RPS10: variants seen among roughly 807,000 people sequenced by gnomAD.
RPS10 encodes the protein ribosomal protein S10.
In RPS10, 2 loss-of-function variants were observed where a neutral mutation model predicts 22.6. The ratio of observed to expected loss-of-function variants is 0.09; its 90% CI spans 0.04 to 0.28. The LOEUF is 0.28. RPS10 is among the 10% of genes least tolerant of loss of function. The probability of loss-of-function intolerance (pLI) is 1.00; values close to 1 mark genes in which losing one functional copy is unlikely to be tolerated. For synonymous variants in RPS10, 70 were observed against 75.9 expected, an observed-to-expected ratio of 0.92 and a Z score of 0.40; for missense variants, 137 against 222.2, an observed-to-expected ratio of 0.62 and a Z score of 2.44.
intron 5 of RPS10, chr6:34,417,882 C>T: frequency 1.4e-6 from 1 of 718,036 alleles, no homozygotes. Context: ...TGAGAGCAAT[C>T]GTGTGCTATG....
At chr6:34,423,178 T>C (rs1765826449) in intron 3 of RPS10, among the ~76,000 whole-genome samples, 2 of 143,586 alleles carry the variant, frequency 1.4e-5, no homozygotes, top group South Asian at 2.2e-4. Context: ...CTATGTCTCC[T>C]TTTTTTTTTT....
intron 4 of RPS10, among the ~76,000 whole-genome samples, chr6:34,421,495 G>A (rs538443597): frequency 8.6e-5 from 13 of 152,046 alleles, no homozygotes; most frequent in African/African-American, 3.1e-4. Flanking sequence ...AGCCCGGCCT[G>A]AGTTTTGTTT....
intron 3 of RPS10, among the ~76,000 whole-genome samples, chr6:34,422,376 G>A (rs142511613): frequency 0.016 from 2,368 of 152,234 alleles, 53 homozygotes; most frequent in African/African-American, 0.052. Flanking sequence ...GTGCAGTGGC[G>A]CGATCTTGGC....
intron 3 of RPS10, among the ~76,000 whole-genome samples, chr6:34,422,176 A>G (rs908223695): frequency 6.6e-6 from 1 of 152,220 alleles, no homozygotes; most frequent in African/African-American, 2.4e-5. Context: ...GCAAACAGAA[A>G]AGGAAGCATC....
In RPS10 at chr6:34,424,448, A is replaced by C. The variant is rs1226997137; in HGVS notation, c.322+221T>G. On this transcript the variant is annotated intron_variant, in intron 3 of 5. Coordinates refer to ENST00000648437, the MANE Select transcript of RPS10 (RefSeq NM_001014.5). ...ATGTTTGTACAGGTGTGGGTGAAGAAAGTGACAGACTATCTGTGCTTAAGG... is the reference window on the plus strand; with the variant it reads ...ATGTTTGTACAGGTGTGGGTGAAGACAGTGACAGACTATCTGTGCTTAAGG... 5.2e-6 allele frequency: 3 copies of C among 574,112 alleles called. No homozygotes were observed. In the African/African-American group the frequency reaches 5.6e-5, roughly 11 times the overall value. The allele number at this position is 574,112 out of a possible 1,614,324, so 35.6% of individuals were successfully genotyped here. A position where few individuals can be genotyped will look rare whatever the true frequency, so the allele number is the denominator to read the frequency against.
In RPS10 at chr6:34,422,735, A is replaced by C. The variant is rs558976746; in HGVS notation, c.323-928T>G. Among the ~76,000 whole-genome samples, 4 of 151,458 alleles carry C rather than the reference A, an allele frequency of 2.6e-5. No individual in the cohort carries two copies. In the East Asian group the frequency reaches 8.0e-4, roughly 30 times the overall value. Reference sequence around the variant, plus strand: ...TGGCCTCCCAAAGTGCTGGGATTACAGGTGTGAGCCACCACACCCTAAGGC... The same window carrying C: ...TGGCCTCCCAAAGTGCTGGGATTACCGGTGTGAGCCACCACACCCTAAGGC... On this transcript the variant is annotated intron_variant, in intron 3 of 5. Transcript: ENST00000648437.
chr6:34,422,142 C>T (rs1390263302), intron 3 of RPS10, among the ~76,000 whole-genome samples: 2 of 152,044 alleles, frequency 1.3e-5, no homozygotes, highest in South Asian at 2.1e-4. Flanking sequence ...ACCTGACCCA[C>T]GTTAAGTGGA....
At chr6:34,420,564 G>A (rs1437335309) in intron 4 of RPS10, among the ~76,000 whole-genome samples, 2 of 152,122 alleles carry the variant, frequency 1.3e-5, no homozygotes, top group Non-Finnish European at 2.9e-5. Context: ...TGAACCAAGG[G>A]CTGGAGAAAT....
At position 34,418,417 on chromosome 6, in the gene RPS10, G is replaced by A. The variant is rs147566753; in HGVS notation, c.408C>T (p.Ala136=). ...CAGCCCCAGCCTCGGCTTTCTTGTC[G>A]GCACCAGCTAGAAAGTGAAACATCG... is the stretch of plus-strand genomic sequence containing the variant. The part of the protein sequence containing the change: ...TYRRSAVPPG[A]DKKAEAGAGS... The change falls in exon 5 of 6, where the codon GCC becomes GCT. Residue 136 remains alanine, a synonymous_variant. Coordinates refer to ENST00000648437, the MANE Select transcript of RPS10 (RefSeq NM_001014.5). 2.3e-3 allele frequency: 3,699 copies of A among 1,614,098 alleles called. 8 individuals carry two copies. The highest frequency in any genetic ancestry group is 6.8e-3 in the South Asian group (618 of 91,076).
At chr6:34,424,466 G>A (rs1353281827) in intron 3 of RPS10, 1 of 615,352 alleles carries the variant, frequency 1.6e-6, no homozygotes, top group Non-Finnish European at 2.9e-6. Context: ...GACTATCTGT[G>A]CTTAAGGCCA....
rs180947109 is a variant in RPS10 at position 34,424,384 on chromosome 6, G to A, written c.322+285C>T. 4.3e-4 allele frequency: 185 copies of A among 430,534 alleles called. 2 individuals are homozygous for A. Among genetic ancestry groups the A allele is most frequent in the Admixed American group, 2.1e-3 (60 of 28,712 alleles). The allele number at this position is 430,534 out of a possible 1,614,324, so 26.7% of individuals were successfully genotyped here. A position where few individuals can be genotyped will look rare whatever the true frequency, so the allele number is the denominator to read the frequency against. On this transcript the variant is annotated intron_variant, in intron 3 of 5. Transcript: ENST00000648437. Reference sequence around the variant, plus strand: ...TCGGGAATAGTACAACGCACTCTGCGGGAAAAGTTACTCAATATTCTATAC... The same window carrying A: ...TCGGGAATAGTACAACGCACTCTGCAGGAAAAGTTACTCAATATTCTATAC...
intron 3 of RPS10, 125 bp downstream of exon 3, chr6:34,424,537 AAGGTTCT>A (rs1379372057): frequency 4.0e-6 from 5 of 1,254,156 alleles, no homozygotes; most frequent in Non-Finnish European, 5.6e-6. Flanking sequence ...CCATGGGACA[AAGGTTCT>A]AGCACTTGAC....
chr6:34,421,935 G>A, intron 3 of RPS10, 128 bp from the exon 4 acceptor site: 3 of 879,746 alleles, frequency 3.4e-6, no homozygotes, highest in Non-Finnish European at 5.8e-6. Context: ...GGTTAATGGG[G>A]ACAGGAACTC....
intron 1 of RPS10, 182 bp from the exon 2 acceptor site, chr6:34,425,403 T>C: frequency 1.4e-6 from 1 of 711,556 alleles, no homozygotes; most frequent in Non-Finnish European, 2.4e-6. Flanking sequence ...CCAAACACAA[T>C]TCAGGTGGAA....
chr6:34,422,564 C>T (rs1765804333), intron 3 of RPS10, among the ~76,000 whole-genome samples: 1 of 152,118 alleles, frequency 6.6e-6, no homozygotes, highest in South Asian at 2.1e-4. Context: ...ACCCTCCCGC[C>T]TTGGCCTTCC....
At chr6:34,424,980 T>C in intron 2 of RPS10, 92 bp downstream of exon 2, 1 of 1,609,268 alleles carries the variant, frequency 6.2e-7, no homozygotes, top group Non-Finnish European at 8.5e-7. Flanking sequence ...GCCTTGAACC[T>C]TAGGGGAAGA....
intron 3 of RPS10, among the ~76,000 whole-genome samples, chr6:34,422,954 G>A (rs1485317615): frequency 3.3e-5 from 5 of 151,906 alleles, no homozygotes; most frequent in South Asian, 2.1e-4. Flanking sequence ...GGTGGTGCAC[G>A]CCTGTGATCC....
chr6:34,424,875 T>C (rs779791218), intron 2 of RPS10, 35 bp from the exon 3 acceptor site: 2 of 1,613,480 alleles, frequency 1.2e-6, no homozygotes, highest in Non-Finnish European at 1.7e-6. Context: ...AGGCGTTAAG[T>C]AGAAGCTTGG....
At chr6:34,420,700 C>T (rs1303141096) in intron 4 of RPS10, among the ~76,000 whole-genome samples, 1 of 152,046 alleles carries the variant, frequency 6.6e-6, no homozygotes, top group Non-Finnish European at 1.5e-5. Flanking sequence ...TTTTGTATTA[C>T]AATCAACAAC....
Sources: allele counts gnomAD v4.1 joint callset (sites outside exome capture counted in the v4.1 genomes callset), GRCh38; gene constraint gnomAD v4.1.1; transcripts MANE v1.5; gene names NCBI Gene and HGNC (gene_info 2026-07-23, HGNC 2026-07-21).